FNIP2: variants seen among roughly 807,000 people sequenced by gnomAD.
The protein encoded by FNIP2 is folliculin interacting protein 2.
In FNIP2, 32 loss-of-function variants were observed where a neutral mutation model predicts 108.7. The ratio of observed to expected loss-of-function variants is 0.29; its 90% confidence interval spans 0.22 to 0.40. FNIP2 has a LOEUF of 0.40. FNIP2 is among the 10% of genes least tolerant of loss of function. The probability of loss-of-function intolerance (pLI) is 1.00; values close to 1 mark genes in which losing one functional copy is unlikely to be tolerated. For synonymous variants in FNIP2, 480 were observed against 496.7 expected (o/e 0.97, Z 0.45); for missense variants, 1,202 against 1,381.6 (o/e 0.87, Z 2.06).
chr4:158,863,660 T>C (rs1780416129), intron 12 of FNIP2, among the ~76,000 whole-genome samples: 1 of 152,222 alleles, frequency 6.6e-6, no homozygotes, highest in Non-Finnish European at 1.5e-5. Context: ...ATTGGTATAA[T>C]AGAATAGAAA....
At chr4:158,827,887 G>A (rs1291662009) in intron 2 of FNIP2, among the ~76,000 whole-genome samples, 1 of 152,130 alleles carries the variant, frequency 6.6e-6, no homozygotes, top group Non-Finnish European at 1.5e-5. Flanking sequence ...GCACATGACT[G>A]CAGGCATTTG....
chr4:158,880,511 A>G (rs2126740458), intron 14 of FNIP2, among the ~76,000 whole-genome samples: 1 of 152,344 alleles, frequency 6.6e-6, no homozygotes, highest in African/African-American at 2.4e-5. Context: ...TAATGGGTGC[A>G]GCACACCGAC....
At chr4:158,858,096 G>T (rs1020413826) in intron 8 of FNIP2, among the ~76,000 whole-genome samples, 6 of 152,202 alleles carry the variant, frequency 3.9e-5, no homozygotes, top group African/African-American at 1.2e-4. Flanking sequence ...GGGGCAGAAG[G>T]CTAATTCTCA....
chr4:158,875,256 GC>G (rs1478061815), intron 14 of FNIP2, among the ~76,000 whole-genome samples: 1 of 151,812 alleles, frequency 6.6e-6, no homozygotes, highest in East Asian at 1.9e-4. Context: ...CTTTTGCTTT[GC>G]CCAGGAGCAG....
At chr4:158,774,526 A>G (rs1775799355) in intron 1 of FNIP2, among the ~76,000 whole-genome samples, 1 of 152,210 alleles carries the variant, frequency 6.6e-6, no homozygotes, top group Admixed American at 6.5e-5. Context: ...TTCTTCATCA[A>G]AATAACTGTT....
chr4:158,785,714 T>C (rs77752057), intron 1 of FNIP2, among the ~76,000 whole-genome samples: 3,749 of 151,740 alleles, frequency 0.025, 142 homozygotes, highest in African/African-American at 0.081. Flanking sequence ...TTCTTTCTTT[T>C]TTTTTTTTAA....
intron 16 of FNIP2, among the ~76,000 whole-genome samples, chr4:158,897,841 A>G (rs1393441802): frequency 6.6e-6 from 1 of 152,164 alleles, no homozygotes; most frequent in Non-Finnish European, 1.5e-5. Context: ...TCTTTAGTTT[A>G]ATTAGATCCC....
At chr4:158,834,231 G>A in intron 6 of FNIP2, 1 of 150,034 alleles carries the variant, frequency 6.7e-6, no homozygotes, top group South Asian at 2.0e-4. Context: ...TTATTCAACT[G>A]CATCCTTACC....
chr4:158,797,298 AT>A (rs1413961468), intron 1 of FNIP2, among the ~76,000 whole-genome samples: 1 of 152,210 alleles, frequency 6.6e-6, no homozygotes, highest in East Asian at 1.9e-4. Flanking sequence ...AATAATTCTC[AT>A]TGACTTTGTT....
rs749682967 is a variant in FNIP2 at position 158,861,730 on chromosome 4, C to A, written c.1419C>A (p.Asn473Lys). 1.2e-6 allele frequency: 2 copies of A among 1,613,928 alleles called. No homozygotes were observed. The highest frequency in any genetic ancestry group is 1.7e-6 in the Non-Finnish European group (2 of 1,179,912). Residue 473 changes from asparagine to lysine, a missense_variant, in exon 12 of 17, where the codon AAC becomes AAA. Around this residue, in one of 5 missense-constraint regions of FNIP2, gnomAD observed 878 missense variants for 990.3 expected, o/e 0.89. Coordinates refer to ENST00000264433, the MANE Select transcript of FNIP2 (RefSeq NM_020840.3). ...AGAAACGTACCTCCCAGTCAGTGAA[C>A]ATGCTGGCCAAAACACATCCGTATA... ...FSEKRTSQSV[N>K]MLAKTHPYNP...
At position 158,869,331 on chromosome 4, in the gene FNIP2, G is replaced by A. The variant is rs1780788761; in HGVS notation, c.2695G>A (p.Asp899Asn). ...RNESSDSALG[D>N]SDDEACASAM... ...TGAAAGCTCAGATAGCGCCCTGGGAGACAGTGACGACGAAGCCTGCGCTTC... is the reference window on the plus strand; with the variant it reads ...TGAAAGCTCAGATAGCGCCCTGGGAAACAGTGACGACGAAGCCTGCGCTTC... Residue 899 changes from aspartate to asparagine, a missense_variant, in exon 13 of 17, where the codon GAC becomes AAC. Around this residue, in one of 5 missense-constraint regions of FNIP2, gnomAD observed 878 missense variants for 990.3 expected, o/e 0.89. Coordinates refer to ENST00000264433, the MANE Select transcript of FNIP2 (RefSeq NM_020840.3). The A allele has an allele frequency of 6.2e-7, 1 of 1,613,506 alleles. No homozygotes were observed. The highest frequency in any genetic ancestry group is 1.3e-5 in the African/African-American group (1 of 74,914).
chr4:158,788,098 A>G (rs1388443576), intron 1 of FNIP2, among the ~76,000 whole-genome samples: 6 of 152,206 alleles, frequency 3.9e-5, no homozygotes, highest in Non-Finnish European at 2.9e-5. Context: ...ATGCCGTGCT[A>G]TGCTGCCTTT....
At chr4:158,903,034 G>C (rs1294354518) in intron 16 of FNIP2, among the ~76,000 whole-genome samples, 1 of 151,868 alleles carries the variant, frequency 6.6e-6, no homozygotes, top group African/African-American at 2.4e-5. Context: ...CTGAGGTATG[G>C]AAAAAAAACT....
Position 158,868,319 on chromosome 4 carries a change from G to A in FNIP2, c.1683G>A (p.Glu561=). 6.2e-7 allele frequency: 1 copy of A among 1,614,086 alleles called. No individual in the cohort carries two copies. Among genetic ancestry groups the A allele is most frequent in the Non-Finnish European group, 8.5e-7 (1 of 1,179,914 alleles). The change falls in exon 13 of 17, where the codon GAG becomes GAA. Residue 561 remains glutamate (E), a synonymous_variant. Coordinates refer to ENST00000264433, the MANE Select transcript of FNIP2 (RefSeq NM_020840.3). This position sits in a 1 kb window ranked among gnomAD's most constrained non-coding sequence, Gnocchi z 4.6. Reference sequence around the variant, plus strand: ...TCATAACAGCCTTGGAGAAAGGAGAGGTGGAGGAGTCTGAGTATGTGGTCA... The same window carrying A: ...TCATAACAGCCTTGGAGAAAGGAGAAGTGGAGGAGTCTGAGTATGTGGTCA... ...SKIITALEKG[E]VEESEYVVIT...
intron 1 of FNIP2, among the ~76,000 whole-genome samples, chr4:158,824,873 T>C (rs1778070084): frequency 6.6e-6 from 1 of 152,158 alleles, no homozygotes; most frequent in African/African-American, 2.4e-5. Context: ...TTGTTTTGCT[T>C]CTTCAGGTCT....
intron 16 of FNIP2, among the ~76,000 whole-genome samples, chr4:158,896,821 A>T (rs1579001124): frequency 6.9e-6 from 1 of 145,652 alleles, no homozygotes. Flanking sequence ...CCAGCCTCAT[A>T]CTTCAATCCT....
Position 158,904,560 on chromosome 4 carries a change from A to G in FNIP2, c.*16A>G. On this transcript the variant is annotated 3_prime_UTR_variant, in exon 17 of 17. Coordinates refer to ENST00000264433, the MANE Select transcript of FNIP2 (RefSeq NM_020840.3). ...ACTCTTATAAGCTAAAGCTCAGGAC[A>G]GTTCTTCCTTGGAAGAAAAAAATCA... 1 of 1,606,112 alleles carries G rather than the reference A, an allele frequency of 6.2e-7. No individual in the cohort carries two copies.
chr4:158,862,263 TATA>T (rs1243036112), intron 12 of FNIP2, among the ~76,000 whole-genome samples: 1 of 152,092 alleles, frequency 6.6e-6, no homozygotes, highest in Non-Finnish European at 1.5e-5. Flanking sequence ...AGCAGCATGC[TATA>T]ATAACAATAA....
intron 1 of FNIP2, among the ~76,000 whole-genome samples, chr4:158,802,123 G>A (rs1776783592): frequency 6.6e-6 from 1 of 152,172 alleles, no homozygotes; most frequent in Non-Finnish European, 1.5e-5. Flanking sequence ...TACCAGCACT[G>A]GGATCAAGAA....
Sources: allele counts gnomAD v4.1 joint callset (sites outside exome capture counted in the v4.1 genomes callset), GRCh38; gene constraint gnomAD v4.1.1; regional missense constraint gnomAD v4.1.1; non-coding constraint Gnocchi (gnomAD v3.1); transcripts MANE v1.5; gene names NCBI Gene and HGNC (gene_info 2026-07-23, HGNC 2026-07-21).